The following DLGAP1 variants were observed in gnomAD, a reference collection of about 807,000 sequenced individuals.
The protein encoded by DLGAP1 is DLG associated protein 1.
In DLGAP1, 11 loss-of-function variants were observed where a neutral mutation model predicts 90.8. The observed-to-expected ratio is 0.12, with a 90% CI of 0.08 to 0.20. The LOEUF is 0.20. DLGAP1 is among the 10% of genes least tolerant of loss of function. The probability of loss-of-function intolerance (pLI) is 1.00; values close to 1 mark genes in which losing one functional copy is unlikely to be tolerated. For missense variants in DLGAP1, 1,050 were observed against 1,333.8 expected (o/e 0.79, Z 3.31); for synonymous variants, 558 against 540.7 (o/e 1.03, Z -0.44).
intron 1 of DLGAP1, among the ~76,000 whole-genome samples, chr18:4,244,062 T>A (rs2078602857): frequency 6.6e-6 from 1 of 152,180 alleles, no homozygotes; most frequent in Non-Finnish European, 1.5e-5. Flanking sequence ...ACATTGTGCA[T>A]ATCTTAAGAA....
At chr18:3,859,115 T>C (rs2069863405) in intron 4 of DLGAP1, among the ~76,000 whole-genome samples, 1 of 152,332 alleles carries the variant, frequency 6.6e-6, no homozygotes, top group East Asian at 1.9e-4. Context: ...AAGTACACCA[T>C]CTACAAGTGC....
chr18:3,944,173 C>G (rs2072830103), intron 3 of DLGAP1, among the ~76,000 whole-genome samples: 1 of 152,144 alleles, frequency 6.6e-6, no homozygotes, highest in African/African-American at 2.4e-5. Flanking sequence ...CTTTATCTTT[C>G]TAGCTCAGTA....
intron 7 of DLGAP1, among the ~76,000 whole-genome samples, chr18:3,693,858 G>A (rs2060986982): frequency 6.6e-6 from 1 of 152,184 alleles, no homozygotes; most frequent in Non-Finnish European, 1.5e-5. Flanking sequence ...GTTTGTATCA[G>A]TGGCTGATGT....
intron 3 of DLGAP1, among the ~76,000 whole-genome samples, chr18:3,991,290 T>C (rs183698415): frequency 1.3e-5 from 2 of 152,318 alleles, no homozygotes; most frequent in Non-Finnish European, 2.9e-5. Flanking sequence ...AATATTGAAA[T>C]GATTAGAATT....
intron 2 of DLGAP1, among the ~76,000 whole-genome samples, chr18:4,086,435 A>G (rs1414377738): frequency 6.6e-6 from 1 of 152,208 alleles, no homozygotes; most frequent in Non-Finnish European, 1.5e-5. Context: ...TCACATCAGC[A>G]TATAATGCTA....
At chr18:3,931,546 G>A (rs2072515239) in intron 3 of DLGAP1, among the ~76,000 whole-genome samples, 1 of 152,180 alleles carries the variant, frequency 6.6e-6, no homozygotes, top group Non-Finnish European at 1.5e-5. Flanking sequence ...GGTAGGACAT[G>A]AGAGTCTACA....
intron 2 of DLGAP1, among the ~76,000 whole-genome samples, chr18:4,117,397 C>T (rs1287580482): frequency 3.3e-5 from 5 of 152,234 alleles, no homozygotes; most frequent in Admixed American, 6.5e-5. Context: ...TGTAGCAACA[C>T]TGCTTATTGA....
chr18:4,311,754 C>T (rs1002849575), intron 1 of DLGAP1, among the ~76,000 whole-genome samples: 42 of 152,094 alleles, frequency 2.8e-4, no homozygotes, highest in Admixed American at 1.0e-3. Context: ...CTCGCTCTGT[C>T]GCCCAGGCTG....
At chr18:3,816,667 C>T (rs931169517) in intron 4 of DLGAP1, among the ~76,000 whole-genome samples, 17 of 152,242 alleles carry the variant, frequency 1.1e-4, no homozygotes, top group East Asian at 1.9e-4. Context: ...ATCCACACAG[C>T]GGAGGGGTGG....
intron 2 of DLGAP1, among the ~76,000 whole-genome samples, chr18:4,024,717 GATA>G (rs1212263089): frequency 3.9e-5 from 6 of 152,124 alleles, no homozygotes; most frequent in African/African-American, 1.4e-4. Flanking sequence ...TGACTATGAT[GATA>G]ATGACACCCT....
At chr18:4,448,867 T>C (rs574567806) in intron 1 of DLGAP1, among the ~76,000 whole-genome samples, 1 of 152,286 alleles carries the variant, frequency 6.6e-6, no homozygotes, top group African/African-American at 2.4e-5. Flanking sequence ...TACATAGAGA[T>C]CAGCCTCAAG....
chr18:4,164,996 C>T lies in DLGAP1; in HGVS notation c.-266-13709G>A, dbSNP rs1311084211. The stretch of plus-strand genomic sequence containing the variant: ...ATATTAACAAAATGAACAGAGTCTT[C>T]AGGGGCCTTTAGGAAGATTACAAAA... On this transcript the variant is annotated intron_variant, in intron 1 of 12. Coordinates refer to ENST00000315677, the MANE Select transcript of DLGAP1 (RefSeq NM_004746.4). Among the ~76,000 whole-genome samples the T allele has an allele frequency of 4.6e-5, 7 of 152,180 alleles. No homozygotes were observed. In the East Asian group the frequency reaches 1.2e-3, roughly 25 times the overall value.
chr18:4,123,480 G>A (rs528348230), intron 2 of DLGAP1, among the ~76,000 whole-genome samples: 17 of 152,194 alleles, frequency 1.1e-4, no homozygotes, highest in South Asian at 6.2e-4. Context: ...AAATATACTC[G>A]GACTGTGGGA....
At chr18:4,164,998 G>A (rs541328624) in intron 1 of DLGAP1, among the ~76,000 whole-genome samples, 1 of 152,246 alleles carries the variant, frequency 6.6e-6, no homozygotes, top group South Asian at 2.1e-4. Context: ...AGAGTCTTCA[G>A]GGGCCTTTAG....
intron 3 of DLGAP1, among the ~76,000 whole-genome samples, chr18:3,903,956 G>A (rs2071841282): frequency 6.6e-6 from 1 of 152,214 alleles, no homozygotes; most frequent in African/African-American, 2.4e-5. Flanking sequence ...GCCTGAGTGA[G>A]TCTCTTTTGC....
At chr18:3,946,723 C>A (rs1430772186) in intron 3 of DLGAP1, among the ~76,000 whole-genome samples, 1 of 152,128 alleles carries the variant, frequency 6.6e-6, no homozygotes, top group African/African-American at 2.4e-5. Flanking sequence ...AGAGTCCTAT[C>A]ATTTTCTTTG....
intron 1 of DLGAP1, among the ~76,000 whole-genome samples, chr18:4,382,033 C>T (rs368610575): frequency 2.8e-4 from 43 of 152,226 alleles, no homozygotes; most frequent in African/African-American, 8.7e-4. Flanking sequence ...AAGAATAGCA[C>T]GGGAAAGACT....
At chr18:3,804,241 T>C (rs2148354890) in intron 5 of DLGAP1, among the ~76,000 whole-genome samples, 1 of 152,200 alleles carries the variant, frequency 6.6e-6, no homozygotes, top group South Asian at 2.1e-4. Context: ...TGCCCTGGCC[T>C]CCCAAAGTGC....
chr18:4,448,217 C>A (rs773575969), intron 1 of DLGAP1, among the ~76,000 whole-genome samples: 198 of 152,264 alleles, frequency 1.3e-3, no homozygotes, highest in Middle Eastern at 3.4e-3. Context: ...CAGAAAAGCC[C>A]AAAATAAGTA....
Sources: allele counts gnomAD v4.1 joint callset (sites outside exome capture counted in the v4.1 genomes callset), GRCh38; gene constraint gnomAD v4.1.1; transcripts MANE v1.5; gene names NCBI Gene and HGNC (gene_info 2026-07-23, HGNC 2026-07-21).